WDR64: variants seen among roughly 807,000 people sequenced by gnomAD.
WDR64 encodes WD repeat domain 64, also known as WD repeat-containing protein 64.
A neutral mutation model predicts 139.3 loss-of-function variants in WDR64; 112 were observed. The ratio of observed to expected loss-of-function variants is 0.80; its 90% CI spans 0.69 to 0.94. The LOEUF is 0.94. WDR64 is among the 40% of genes least tolerant of loss of function. The pLI, the probability that WDR64 is intolerant of heterozygous loss-of-function variation, is 0.00. For synonymous variants in WDR64, 444 were observed against 437.7 expected (o/e 1.01, Z -0.18); for missense variants, 1,206 against 1,293.1 (o/e 0.93, Z 1.03).
At chr1:241,732,263 A>G (rs1440674838) in intron 10 of WDR64, among the ~76,000 whole-genome samples, 2 of 152,170 alleles carry the variant, frequency 1.3e-5, no homozygotes, top group African/African-American at 4.8e-5. Context: ...ATTATGGAAT[A>G]ATGCTCAAAC....
At chr1:241,663,610 G>A (rs927930658) in intron 2 of WDR64, among the ~76,000 whole-genome samples, 7 of 152,246 alleles carry the variant, frequency 4.6e-5, no homozygotes, top group African/African-American at 7.2e-5. Flanking sequence ...CCTGGTAGAC[G>A]ATGGCCCATT....
chr1:241,679,471 T>C lies in WDR64; in HGVS notation c.514-14T>C. 1.3e-6 allele frequency: 2 copies of C among 1,549,902 alleles called. No homozygotes were observed. Among genetic ancestry groups the C allele is most frequent in the South Asian group, 2.4e-5 (2 of 83,980 alleles). ...AAATGCATTATATCCCCCAATTCTC[T>C]GCTTTTCTATCAGGACACCTCCTGG... is the stretch of plus-strand genomic sequence containing the variant. On this transcript the variant is annotated splice_polypyrimidine_tract_variant and intron_variant, in intron 5 of 27. Coordinates refer to ENST00000437684, the MANE Select transcript of WDR64 (RefSeq NM_001367482.1).
At chr1:241,796,637 C>T (rs1467630493) in intron 27 of WDR64, among the ~76,000 whole-genome samples, 1 of 152,118 alleles carries the variant, frequency 6.6e-6, no homozygotes, top group Non-Finnish European at 1.5e-5. Context: ...GGATTACAGG[C>T]ATGCGCCACT....
intron 27 of WDR64, among the ~76,000 whole-genome samples, chr1:241,800,772 TATTA>T (rs1424210142): frequency 6.6e-6 from 1 of 152,218 alleles, no homozygotes; most frequent in Non-Finnish European, 1.5e-5. Flanking sequence ...ATTAATTAAT[TATTA>T]ATTGTGCTCG....
rs527600979 is a variant in WDR64 at position 241,775,380 on chromosome 1, G to A, written c.2536+170G>A. On this transcript the variant is annotated intron_variant, in intron 21 of 27. Coordinates refer to ENST00000437684, the MANE Select transcript of WDR64 (RefSeq NM_001367482.1). Reference sequence around the variant, plus strand: ...AGCCTGCTGAATAAACAGAATAAATGAGTGTCAGGAGAACCTGCTTCATTC... The same window carrying A: ...AGCCTGCTGAATAAACAGAATAAATAAGTGTCAGGAGAACCTGCTTCATTC... Among the ~76,000 whole-genome samples the A allele has an allele frequency of 1.9e-3, 290 of 152,344 alleles. 2 individuals are homozygous for A. Among genetic ancestry groups the A allele is most frequent in the African/African-American group, 6.6e-3 (273 of 41,590 alleles).
intron 13 of WDR64, among the ~76,000 whole-genome samples, chr1:241,748,944 A>C (rs1457802282): frequency 6.6e-6 from 1 of 151,532 alleles, no homozygotes; most frequent in Non-Finnish European, 1.5e-5. Context: ...GTCTTAAAAA[A>C]AAAAAAAAGA....
intron 20 of WDR64, among the ~76,000 whole-genome samples, chr1:241,774,523 G>A (rs1032683266): frequency 6.6e-6 from 1 of 152,160 alleles, no homozygotes; most frequent in Non-Finnish European, 1.5e-5. Flanking sequence ...AAGATAATAC[G>A]TGTTAAAGTC....
At chr1:241,756,355 C>T (rs1049409817) in intron 14 of WDR64, among the ~76,000 whole-genome samples, 5 of 152,048 alleles carry the variant, frequency 3.3e-5, no homozygotes, top group Admixed American at 6.6e-5. Flanking sequence ...TGATTTGGTT[C>T]TCTGTTTGTC....
At chr1:241,763,924 G>C (rs567924348) in intron 15 of WDR64, among the ~76,000 whole-genome samples, 1 of 152,310 alleles carries the variant, frequency 6.6e-6, no homozygotes, top group African/African-American at 2.4e-5. Context: ...GGAGGTTTTT[G>C]AAGAGGATAA....
At chr1:241,710,192 T>A (rs1206877179) in intron 8 of WDR64, among the ~76,000 whole-genome samples, 1 of 152,132 alleles carries the variant, frequency 6.6e-6, no homozygotes, top group Non-Finnish European at 1.5e-5. Context: ...CTGGGCTTCT[T>A]GTCTAGGCTT....
chr1:241,773,879 G>A (rs1658554628), intron 20 of WDR64, among the ~76,000 whole-genome samples: 1 of 152,112 alleles, frequency 6.6e-6, no homozygotes, highest in African/African-American at 2.4e-5. Context: ...TAATATTAAA[G>A]GATATTAATG....
chr1:241,675,569 AAC>A (rs143690316), intron 4 of WDR64, among the ~76,000 whole-genome samples: 3,375 of 152,282 alleles, frequency 0.022, 114 homozygotes, highest in African/African-American at 0.076. Flanking sequence ...TAAAATCAGA[AAC>A]ACTGACAAGC....
chr1:241,791,583 G>C (rs1659215893), intron 25 of WDR64, among the ~76,000 whole-genome samples: 1 of 151,940 alleles, frequency 6.6e-6, no homozygotes, highest in South Asian at 2.1e-4. Context: ...GAGGTGGGAG[G>C]ACCCCTTGAG....
At chr1:241,713,674 A>G (rs1425510988) in intron 9 of WDR64, among the ~76,000 whole-genome samples, 2 of 152,168 alleles carry the variant, frequency 1.3e-5, no homozygotes, top group African/African-American at 4.8e-5. Flanking sequence ...TGGCAAAATC[A>G]CTTTGGCAAA....
At chr1:241,740,871 A>G (rs1483245191) in intron 11 of WDR64, among the ~76,000 whole-genome samples, 2 of 152,256 alleles carry the variant, frequency 1.3e-5, no homozygotes, top group East Asian at 3.9e-4. Flanking sequence ...TTACACTAAA[A>G]CAGAGCTGCA....
In WDR64 at chr1:241,654,355, C is replaced by T. The variant is rs555947400; in HGVS notation, c.145+1726C>T. 9.8e-5 allele frequency among the ~76,000 whole-genome samples: 15 copies of T among 152,326 alleles called. No homozygotes were observed. The East Asian group carries it at 2.7e-3, about 27-fold the overall frequency. ...ATATCACCACTTAACTTTCAATCTA[C>T]TCAGGTCTGGCTTCTCTGATCACTT... On this transcript the variant is annotated intron_variant, in intron 1 of 27. Coordinates refer to ENST00000437684, the MANE Select transcript of WDR64 (RefSeq NM_001367482.1).
Position 241,738,388 on chromosome 1 carries a change from C to T in WDR64, c.1220C>T (p.Thr407Ile), listed in dbSNP as rs761247474. The T allele has an allele frequency of 6.2e-7, 1 of 1,613,726 alleles. No individual in the cohort carries two copies. Among genetic ancestry groups the T allele is most frequent in the Non-Finnish European group, 8.5e-7 (1 of 1,179,802 alleles). ...GTTTTCCGGGTGTGGGATATACAAA[C>T]TCTTTCACTATTACAAGTCTTCCAT... is the stretch of plus-strand genomic sequence containing the variant. ...AKVFRVWDIQ[T>I]LSLLQVFHDS... Residue 407 changes from threonine (T) to isoleucine (I), a missense_variant, in exon 11 of 28, where the codon ACT (threonine) becomes ATT (isoleucine). By Grantham distance (89) the Thr-to-Ile change is moderately conservative. Transcript: ENST00000437684.
chr1:241,686,518 C>T (rs1258476429), intron 7 of WDR64, among the ~76,000 whole-genome samples: 3 of 152,154 alleles, frequency 2.0e-5, no homozygotes, highest in African/African-American at 7.2e-5. Context: ...CTTAATCATC[C>T]TTGTGTCCTT....
At chr1:241,786,098 G>A (rs935005585) in intron 23 of WDR64, among the ~76,000 whole-genome samples, 3 of 152,160 alleles carry the variant, frequency 2.0e-5, no homozygotes, top group South Asian at 4.1e-4. Flanking sequence ...TAAAGGTTCT[G>A]GCCAGGCCAT....
Sources: allele counts gnomAD v4.1 joint callset (sites outside exome capture counted in the v4.1 genomes callset), GRCh38; gene constraint gnomAD v4.1.1; transcripts MANE v1.5; gene names NCBI Gene and HGNC (gene_info 2026-07-23, HGNC 2026-07-21).